NDST3: variants seen among roughly 807,000 people sequenced by gnomAD.
NDST3 encodes bifunctional heparan sulfate N-deacetylase/N-sulfotransferase 3.
NDST3 carries 58 observed loss-of-function variants against 96.1 expected under a neutral mutation model. That is an observed-to-expected ratio of 0.60 (90% CI 0.49 to 0.75). NDST3 has a LOEUF of 0.75. Ranked by LOEUF, NDST3 falls within the 30% of genes least tolerant of loss-of-function variation. The pLI is 0.00. For missense variants in NDST3, 788 were observed against 1,034.2 expected (o/e 0.76, Z 3.27); for synonymous variants, 333 against 359.7 (o/e 0.93, Z 0.84).
chr4:118,101,776 A>G (rs1038595351), intron 2 of NDST3, among the ~76,000 whole-genome samples: 1 of 152,154 alleles, frequency 6.6e-6, no homozygotes, highest in Non-Finnish European at 1.5e-5. Context: ...TCATAACTAC[A>G]TAAGTATGTG....
intron 2 of NDST3, among the ~76,000 whole-genome samples, chr4:118,064,386 G>A (rs1313057170): frequency 6.6e-6 from 1 of 151,976 alleles, no homozygotes; most frequent in Non-Finnish European, 1.5e-5. Flanking sequence ...AGGCTTCCAT[G>A]AATAATGAAA....
At chr4:118,154,395 G>C (rs1218601428) in intron 6 of NDST3, among the ~76,000 whole-genome samples, 1 of 152,154 alleles carries the variant, frequency 6.6e-6, no homozygotes, top group Non-Finnish European at 1.5e-5. Flanking sequence ...ATAAGAGGTT[G>C]CTAAATGTAT....
chr4:118,137,290 G>T (rs1301111719), intron 4 of NDST3, among the ~76,000 whole-genome samples: 1 of 151,620 alleles, frequency 6.6e-6, no homozygotes, highest in East Asian at 1.9e-4. Context: ...GAAGCCATGG[G>T]TGTTCTATTT....
chr4:118,235,124 AT>A (rs754743393), intron 9 of NDST3, among the ~76,000 whole-genome samples: 27 of 151,946 alleles, frequency 1.8e-4, no homozygotes, highest in Non-Finnish European at 3.5e-4. Flanking sequence ...AAAAAATCCC[AT>A]TTTTCAGGTA....
intron 6 of NDST3, among the ~76,000 whole-genome samples, chr4:118,211,380 T>A (rs1177911757): frequency 6.6e-6 from 1 of 152,188 alleles, no homozygotes; most frequent in Non-Finnish European, 1.5e-5. Context: ...TTTTTAAGAT[T>A]ATTTCATTCA....
chr4:118,107,293 C>T (rs1730279632), intron 3 of NDST3, among the ~76,000 whole-genome samples: 1 of 151,980 alleles, frequency 6.6e-6, no homozygotes, highest in Admixed American at 6.6e-5. Context: ...AAAGTTTTTT[C>T]ACAATCATAA....
intron 2 of NDST3, among the ~76,000 whole-genome samples, chr4:118,060,077 C>A (rs928447619): frequency 2.0e-5 from 3 of 151,974 alleles, no homozygotes; most frequent in African/African-American, 7.3e-5. Context: ...ACCAACACAA[C>A]CTTGTTAACT....
At chr4:118,126,440 G>T (rs1361852679) in intron 4 of NDST3, among the ~76,000 whole-genome samples, 1 of 150,654 alleles carries the variant, frequency 6.6e-6, no homozygotes, top group Non-Finnish European at 1.5e-5. Flanking sequence ...TATTGTTGCA[G>T]GTAACTGAAT....
intron 6 of NDST3, 48 bp downstream of exon 6, chr4:118,143,732 C>CA (rs780030371): frequency 2.6e-6 from 4 of 1,538,526 alleles, no homozygotes; most frequent in Non-Finnish European, 3.5e-6. Flanking sequence ...ATAGGGCTGG[C>CA]AAAAATTACC....
chr4:118,161,949 AC>A (rs1332557887), intron 6 of NDST3, among the ~76,000 whole-genome samples: 1 of 152,018 alleles, frequency 6.6e-6, no homozygotes, highest in Non-Finnish European at 1.5e-5. Flanking sequence ...TGCAGAAATC[AC>A]CCGTCTTCTG....
chr4:118,179,896 C>T (rs1361202097), intron 6 of NDST3, among the ~76,000 whole-genome samples: 1 of 151,990 alleles, frequency 6.6e-6, no homozygotes, highest in Non-Finnish European at 1.5e-5. Flanking sequence ...AAGGTTGAAA[C>T]TTTTAACCCC....
chr4:118,201,144 C>T (rs1427723782), intron 6 of NDST3, among the ~76,000 whole-genome samples: 4 of 151,742 alleles, frequency 2.6e-5, no homozygotes, highest in East Asian at 1.9e-4. Context: ...TGTACTATTC[C>T]GTGGTGTGTA....
At chr4:118,221,804 C>T (rs560680481) in intron 6 of NDST3, among the ~76,000 whole-genome samples, 3 of 151,984 alleles carry the variant, frequency 2.0e-5, no homozygotes, top group South Asian at 4.2e-4. Flanking sequence ...AAACATTATG[C>T]CTTTGGCAGT....
At chr4:118,104,412 T>G (rs1730004007) in intron 2 of NDST3, among the ~76,000 whole-genome samples, 1 of 152,260 alleles carries the variant, frequency 6.6e-6, no homozygotes, top group South Asian at 2.1e-4. Context: ...ATGGTAAATA[T>G]TTTATAGGAT....
chr4:118,176,460 G>A (rs1049342489), intron 6 of NDST3, among the ~76,000 whole-genome samples: 3 of 152,012 alleles, frequency 2.0e-5, no homozygotes, highest in Non-Finnish European at 4.4e-5. Flanking sequence ...TGTTGATGAT[G>A]GTCAGCTCAT....
chr4:118,240,746 CTT>C (rs762533091), intron 11 of NDST3, 52 bp downstream of exon 11: 17 of 1,510,586 alleles, frequency 1.1e-5, no homozygotes, highest in Non-Finnish European at 1.4e-5. Context: ...AAGTTGATGA[CTT>C]TGCCTTAAGG....
At chr4:118,125,779 T>C (rs1225472330) in intron 4 of NDST3, among the ~76,000 whole-genome samples, 5 of 152,048 alleles carry the variant, frequency 3.3e-5, no homozygotes, top group Non-Finnish European at 4.4e-5. Context: ...AATTAATTCT[T>C]TCAAGATTTT....
chr4:118,177,898 T>C (rs1736373251), intron 6 of NDST3, among the ~76,000 whole-genome samples: 1 of 151,900 alleles, frequency 6.6e-6, no homozygotes, highest in Admixed American at 6.6e-5. Flanking sequence ...AGAATAATCC[T>C]GGAATGTTTA....
At position 118,054,592 on chromosome 4, in the gene NDST3, T is replaced by C. The variant is rs1421648654; in HGVS notation, c.682T>C (p.Ser228Pro). ...TDWTVFQINH[S>P]AYQPVIFAKV... Reference sequence around the variant, plus strand: ...CTGGACAGTTTTTCAGATTAATCATTCAGCCTATCAACCAGTAATATTTGC... The same window carrying C: ...CTGGACAGTTTTTCAGATTAATCATCCAGCCTATCAACCAGTAATATTTGC... Residue 228 changes from serine (S) to proline (P), a missense_variant, in exon 2 of 14, where the codon TCA becomes CCA. Physicochemically the swap from Ser to Pro is moderately conservative, Grantham distance 74. Transcript: ENST00000296499. The C allele has an allele frequency of 6.2e-7, 1 of 1,613,326 alleles. No homozygotes were observed. The highest frequency in any genetic ancestry group is 1.7e-5 in the Admixed American group (1 of 59,896).
Sources: gnomAD v4.1 joint callset for allele counts (sites outside exome capture counted in the v4.1 genomes callset) on GRCh38, gnomAD v4.1.1 for gene constraint, MANE v1.5 for transcripts, NCBI Gene and HGNC (gene_info 2026-07-23, HGNC 2026-07-21) for gene names.